The following AKT3 variants were observed in gnomAD, a reference collection of about 807,000 sequenced individuals.
The protein encoded by AKT3 is AKT serine/threonine kinase 3, also known as RAC-gamma serine/threonine-protein kinase.
AKT3 carries 15 observed loss-of-function variants against 65.3 expected under a neutral mutation model. That is an observed-to-expected ratio of 0.23 (90% CI 0.15 to 0.35). AKT3 has a LOEUF of 0.35. Ranked by LOEUF, AKT3 falls within the 10% of genes least tolerant of loss-of-function variation. AKT3 has a pLI of 1.00. For missense variants in AKT3, 243 were observed against 576.5 expected, an observed-to-expected ratio of 0.42 and a Z score of 5.92; for synonymous variants, 206 against 183.8, an observed-to-expected ratio of 1.12 and a Z score of -0.98.
At chr1:243,540,108 A>G (rs1419746428) in intron 12 of AKT3, among the ~76,000 whole-genome samples, 1 of 152,192 alleles carries the variant, frequency 6.6e-6, no homozygotes. Flanking sequence ...AAAAGCAAAC[A>G]TGATCCTGAA....
At position 243,772,518 on chromosome 1, in the gene AKT3, A is replaced by T. The variant is rs564439117; in HGVS notation, c.46+70607T>A. ...TCTCACATCAGTTAGAATGGCGATC[A>T]TTAAAAAGTCAGGAAACAACAGGTG... is the stretch of plus-strand genomic sequence containing the variant. On this transcript the variant is annotated intron_variant, in intron 2 of 13. Coordinates refer to ENST00000673466, the MANE Select transcript of AKT3 (RefSeq NM_005465.7). Among the ~76,000 whole-genome samples the T allele has an allele frequency of 1.2e-3, 182 of 152,330 alleles. 1 individual carries two copies. The highest frequency in any genetic ancestry group is 2.9e-3 in the African/African-American group (122 of 41,582).
intron 2 of AKT3, among the ~76,000 whole-genome samples, chr1:243,713,952 C>T (rs1224771204): frequency 1.3e-5 from 2 of 151,878 alleles, no homozygotes; most frequent in Admixed American, 6.6e-5. Flanking sequence ...CTCTATTATG[C>T]TAAGGGAAAA....
rs902241100 is a variant in AKT3, at chr1:243,771,069, G to A, written c.46+72056C>T. On this transcript the variant is annotated intron_variant, in intron 2 of 13. Coordinates refer to ENST00000673466, the MANE Select transcript of AKT3 (RefSeq NM_005465.7). ...CTAAATACTGCATTCATATGTACAT[G>A]TGAGGGAAATGCTGTTTGTGCAAAT... Among the ~76,000 whole-genome samples, 12 of 152,320 alleles carry A rather than the reference G, an allele frequency of 7.9e-5. 1 individual carries two copies. Among genetic ancestry groups the A allele is most frequent in the Admixed American group, 4.6e-4 (7 of 15,288 alleles).
At chr1:243,828,442 C>T (rs1250939933) in intron 2 of AKT3, among the ~76,000 whole-genome samples, 2 of 152,110 alleles carry the variant, frequency 1.3e-5, no homozygotes, top group African/African-American at 4.8e-5. Flanking sequence ...ATAGGTACAG[C>T]TGACCCTTAA....
intron 2 of AKT3, among the ~76,000 whole-genome samples, chr1:243,758,434 T>C (rs1689279160): frequency 6.6e-6 from 1 of 151,978 alleles, no homozygotes; most frequent in Admixed American, 6.6e-5. Context: ...AGATGGAAAA[T>C]GCCTGACATG....
chr1:243,673,404 A>G lies in AKT3; in HGVS notation c.173-8521T>C, dbSNP rs551629232. 8.0e-5 allele frequency among the ~76,000 whole-genome samples: 12 copies of G among 150,800 alleles called. No homozygotes were observed. The South Asian group carries it at 2.1e-3, about 26-fold the overall frequency. ...AAATGAGACCATTATTGATGATATTATATGTTTTGGATATTTTCCATTTCA... is the reference window on the plus strand; with the variant it reads ...AAATGAGACCATTATTGATGATATTGTATGTTTTGGATATTTTCCATTTCA... On this transcript the variant is annotated intron_variant, in intron 3 of 13. Transcript: ENST00000673466.
intron 12 of AKT3, among the ~76,000 whole-genome samples, chr1:243,543,625 A>G (rs1250717654): frequency 6.6e-6 from 1 of 152,212 alleles, no homozygotes; most frequent in Non-Finnish European, 1.5e-5. Flanking sequence ...GACACGATGA[A>G]AACAGTACAC....
chr1:243,614,211 T>C (rs1369518531), intron 7 of AKT3, among the ~76,000 whole-genome samples: 1 of 152,164 alleles, frequency 6.6e-6, no homozygotes, highest in Non-Finnish European at 1.5e-5. Context: ...TTGGTTTATA[T>C]AATTTTGTAG....
intron 3 of AKT3, among the ~76,000 whole-genome samples, chr1:243,670,742 A>G (rs1352495849): frequency 6.6e-6 from 1 of 152,126 alleles, no homozygotes; most frequent in Non-Finnish European, 1.5e-5. Flanking sequence ...ACTGTTACTT[A>G]TATTAGATAG....
In AKT3 at chr1:243,646,032, T is replaced by C; in HGVS notation, c.290A>G (p.Glu97Gly). The part of the protein sequence containing the change: ...FHVDTPEERE[E>G]WTEAIQAVAD... ...TACAGCCTGGATAGCTTCTGTCCAT[T>C]CTTCCCTATAAAAATGAGTAAAATT... Residue 97 changes from glutamate (E) to glycine (G), a missense_variant, in exon 5 of 14, where the codon GAA becomes GGA. Around this residue, in one of 6 missense-constraint regions of AKT3, gnomAD observed 72 missense variants for 86.0 expected, o/e 0.84. Coordinates refer to ENST00000673466, the MANE Select transcript of AKT3 (RefSeq NM_005465.7). 1 of 1,595,356 alleles carries C rather than the reference T, an allele frequency of 6.3e-7. No individual in the cohort carries two copies. Among genetic ancestry groups the C allele is most frequent in the Non-Finnish European group, 8.5e-7 (1 of 1,174,598 alleles).
chr1:243,767,980 T>C (rs918609344), intron 2 of AKT3, among the ~76,000 whole-genome samples: 4 of 152,018 alleles, frequency 2.6e-5, no homozygotes, highest in Non-Finnish European at 5.9e-5. Flanking sequence ...AAAATTGCCT[T>C]ATAAAATATA....
At chr1:243,566,957 C>T (rs906598413) in intron 9 of AKT3, among the ~76,000 whole-genome samples, 7 of 152,150 alleles carry the variant, frequency 4.6e-5, no homozygotes, top group African/African-American at 1.7e-4. Context: ...ATTAAAAATA[C>T]TTTTCAATAT....
At chr1:243,724,072 A>T (rs1311077155) in intron 2 of AKT3, among the ~76,000 whole-genome samples, 1 of 152,184 alleles carries the variant, frequency 6.6e-6, no homozygotes, top group Non-Finnish European at 1.5e-5. Flanking sequence ...ATTTTATAAC[A>T]AACATAAATA....
intron 2 of AKT3, among the ~76,000 whole-genome samples, chr1:243,764,040 A>G (rs1032306107): frequency 6.6e-6 from 1 of 152,092 alleles, no homozygotes; most frequent in African/African-American, 2.4e-5. Context: ...TTCACTGCCG[A>G]TATTTCTGAA....
At chr1:243,791,042 C>T (rs1254291054) in intron 2 of AKT3, among the ~76,000 whole-genome samples, 2 of 152,280 alleles carry the variant, frequency 1.3e-5, no homozygotes, top group East Asian at 3.9e-4. Flanking sequence ...ACAACATAAG[C>T]ACATGCTCTT....
At chr1:243,716,806 A>G (rs969062516) in intron 2 of AKT3, among the ~76,000 whole-genome samples, 6 of 152,218 alleles carry the variant, frequency 3.9e-5, no homozygotes, top group African/African-American at 1.4e-4. Context: ...TACCCCTGAT[A>G]CTTGTCTTTA....
At chr1:243,488,956 G>C in intron 13 of AKT3, 1 of 1,612,112 alleles carries the variant, frequency 6.2e-7, no homozygotes, top group Non-Finnish European at 8.5e-7. Flanking sequence ...CACAGCCCCT[G>C]GGCCTGTTGA....
At chr1:243,804,080 G>A (rs1049352713) in intron 2 of AKT3, among the ~76,000 whole-genome samples, 1 of 152,134 alleles carries the variant, frequency 6.6e-6, no homozygotes, top group East Asian at 1.9e-4. Flanking sequence ...CTAGATCCAC[G>A]CATGCCTGAG....
rs553262931 is a variant in AKT3 at position 243,644,795 on chromosome 1, AC to A, written c.429+1097del. ...TTTAAATGAAATAATTTACACATGT[AC>A]AAAAGAAGCTTTCTTATCTCTGAGT... On this transcript the variant is annotated intron_variant, in intron 5 of 13. Transcript: ENST00000673466. Among the ~76,000 whole-genome samples, 310 of 152,316 alleles carry A rather than the reference AC, an allele frequency of 2.0e-3. 1 individual carries two copies. Among genetic ancestry groups the A allele is most frequent in the Non-Finnish European group, 3.3e-3 (222 of 68,010 alleles).
Sources: gnomAD v4.1 joint callset for allele counts (sites outside exome capture counted in the v4.1 genomes callset) on GRCh38, gnomAD v4.1.1 for gene constraint, gnomAD v4.1.1 regional missense constraint, MANE v1.5 for transcripts, NCBI Gene and HGNC (gene_info 2026-07-23, HGNC 2026-07-21) for gene names.